Variants in CLASP2 observed in about 807,000 individuals in gnomAD.
CLASP2 encodes cytoplasmic linker associated protein 2.
A neutral mutation model predicts 194.4 loss-of-function variants in CLASP2; 47 were observed. The observed-to-expected ratio is 0.24, with a 90% CI of 0.19 to 0.31. CLASP2 has a LOEUF of 0.31. Ranked by LOEUF, CLASP2 falls within the 10% of genes least tolerant of loss-of-function variation. CLASP2 has a pLI of 1.00. For synonymous variants in CLASP2, 619 were observed against 633.5 expected (o/e 0.98, Z 0.34); for missense variants, 1,445 against 1,823.6 (o/e 0.79, Z 3.78).
chr3:33,634,916 A>C (rs1303377858), intron 8 of CLASP2, among the ~76,000 whole-genome samples: 1 of 152,316 alleles, frequency 6.6e-6, no homozygotes, highest in South Asian at 2.1e-4. Flanking sequence ...AATTTGAAAG[A>C]GTGAAAAAAT....
intron 37 of CLASP2, among the ~76,000 whole-genome samples, chr3:33,508,357 G>A (rs532138619): frequency 1.3e-5 from 2 of 151,634 alleles, no homozygotes; most frequent in African/African-American, 4.8e-5. Flanking sequence ...TGGAGATGGA[G>A]TCTCACTCTG....
rs777731869 is a variant in CLASP2 at position 33,584,813 on chromosome 3, T to G, written c.2176A>C (p.Arg726=). Residue 726 remains arginine, a synonymous_variant, in exon 22 of 39, where the codon AGA becomes CGA. Transcript: ENST00000682230. ...VLVNSASAQK[R]SKIPRSQGCS... ...CCCTGGCTCCGTGGTATCTTGCTTC[T>G]TTTTTGTGCTGAGGCTGAATTGACC... 5.6e-6 allele frequency: 9 copies of G among 1,613,628 alleles called. No individual in the cohort carries two copies. The African/African-American group carries it at 1.1e-4, about 19-fold the overall frequency.
intron 20 of CLASP2, among the ~76,000 whole-genome samples, chr3:33,593,509 T>G (rs893709398): frequency 4.6e-5 from 7 of 152,128 alleles, no homozygotes; most frequent in African/African-American, 1.7e-4. Context: ...AAGGAGATAT[T>G]ACAAAATTAA....
intron 30 of CLASP2, among the ~76,000 whole-genome samples, chr3:33,546,267 T>C (rs536360235): frequency 6.6e-6 from 1 of 152,338 alleles, no homozygotes; most frequent in Non-Finnish European, 1.5e-5. Flanking sequence ...GTGACACCTG[T>C]ATAATGAACT....
At chr3:33,554,423 T>G (rs999562085) in intron 29 of CLASP2, among the ~76,000 whole-genome samples, 1 of 152,142 alleles carries the variant, frequency 6.6e-6, no homozygotes, top group Non-Finnish European at 1.5e-5. Context: ...ACAAATACTG[T>G]ATGATCTTAT....
At chr3:33,677,230 T>A (rs927238794) in intron 6 of CLASP2, among the ~76,000 whole-genome samples, 2 of 152,138 alleles carry the variant, frequency 1.3e-5, no homozygotes, top group African/African-American at 4.8e-5. Flanking sequence ...CTATAAATCA[T>A]GCTGCTATAA....
At chr3:33,698,908 T>A (rs548240130) in intron 1 of CLASP2, among the ~76,000 whole-genome samples, 1 of 152,180 alleles carries the variant, frequency 6.6e-6, no homozygotes, top group South Asian at 2.1e-4. Context: ...ACATAGATAA[T>A]CTGAAAGCTG....
At chr3:33,629,088 A>C (rs766379774) in intron 9 of CLASP2, among the ~76,000 whole-genome samples, 1 of 152,168 alleles carries the variant, frequency 6.6e-6, no homozygotes, top group African/African-American at 2.4e-5. Context: ...GTTTCAATGT[A>C]AGAATAAGCT....
intron 24 of CLASP2, 100 bp downstream of exon 24, chr3:33,576,069 A>C: frequency 1.2e-6 from 1 of 813,344 alleles, no homozygotes; most frequent in Non-Finnish European, 2.0e-6. Context: ...TTAATCACTG[A>C]TTTTTCCCCA....
chr3:33,564,739 C>T (rs568053129), intron 27 of CLASP2, among the ~76,000 whole-genome samples: 1 of 152,094 alleles, frequency 6.6e-6, no homozygotes, highest in East Asian at 1.9e-4. Context: ...TACAGGCATG[C>T]ACCATCATGT....
chr3:33,653,203 T>G (rs147928504), intron 7 of CLASP2, among the ~76,000 whole-genome samples: 1 of 152,182 alleles, frequency 6.6e-6, no homozygotes, highest in Admixed American at 6.5e-5. Flanking sequence ...GTATGCCTTC[T>G]GACAGAAATC....
At chr3:33,694,858 T>G (rs887322963) in intron 2 of CLASP2, among the ~76,000 whole-genome samples, 4 of 151,952 alleles carry the variant, frequency 2.6e-5, no homozygotes, top group Middle Eastern at 3.2e-3. Flanking sequence ...GGAGGATCAC[T>G]TGAGTGTTGA....
intron 9 of CLASP2, among the ~76,000 whole-genome samples, chr3:33,628,797 T>C (rs986239560): frequency 3.4e-4 from 52 of 151,150 alleles, no homozygotes; most frequent in African/African-American, 1.1e-3. Context: ...AGTAAGAAAA[T>C]AGAGAATGAG....
Position 33,674,927 on chromosome 3 carries a change from A to C in CLASP2, c.644+9432T>G, listed in dbSNP as rs576681040. Among the ~76,000 whole-genome samples the C allele has an allele frequency of 2.6e-4, 39 of 152,312 alleles. 1 individual carries two copies. In the South Asian group the frequency reaches 8.1e-3, roughly 32 times the overall value. On this transcript the variant is annotated intron_variant, in intron 6 of 38. Coordinates refer to ENST00000682230, the MANE Select transcript of CLASP2 (RefSeq NM_001365631.1). ...CTGAATAGACCAATAACAGGAGCTG[A>C]AATTGTGGCAATAATCAATAGCTTA...
intron 2 of CLASP2, among the ~76,000 whole-genome samples, chr3:33,691,644 A>G (rs1222433389): frequency 1.2e-4 from 19 of 152,316 alleles, no homozygotes; most frequent in Admixed American, 1.2e-3. Context: ...ATCAACATCT[A>G]TAAGGTTGGC....
chr3:33,530,016 T>C (rs1466175244), intron 34 of CLASP2, among the ~76,000 whole-genome samples: 2 of 142,872 alleles, frequency 1.4e-5, no homozygotes, highest in Non-Finnish European at 3.0e-5. Flanking sequence ...AAAAAAGATC[T>C]TCAAGGGTAA....
At chr3:33,713,653 A>G (rs1445767285) in intron 1 of CLASP2, among the ~76,000 whole-genome samples, 1 of 152,158 alleles carries the variant, frequency 6.6e-6, no homozygotes, top group Non-Finnish European at 1.5e-5. Flanking sequence ...TGCACTACAT[A>G]GCGCTACATA....
chr3:33,558,055 C>T (rs971302453), intron 29 of CLASP2, among the ~76,000 whole-genome samples: 1 of 152,218 alleles, frequency 6.6e-6, no homozygotes, highest in African/African-American at 2.4e-5. Context: ...GAGACAAATA[C>T]ATTTACTTCT....
intron 8 of CLASP2, among the ~76,000 whole-genome samples, chr3:33,639,730 A>G (rs1011760238): frequency 6.6e-6 from 1 of 152,236 alleles, no homozygotes; most frequent in African/African-American, 2.4e-5. Flanking sequence ...TGGATAGTCA[A>G]TGATCTGGGA....
Sources: gnomAD v4.1 joint callset for allele counts (sites outside exome capture counted in the v4.1 genomes callset) on GRCh38, gnomAD v4.1.1 for gene constraint, MANE v1.5 for transcripts, NCBI Gene and HGNC (gene_info 2026-07-23, HGNC 2026-07-21) for gene names.